Variants in CHRNA7 observed in about 807,000 individuals in gnomAD.
CHRNA7 encodes neuronal acetylcholine receptor subunit alpha-7.
In CHRNA7, 17 loss-of-function variants were observed where a neutral mutation model predicts 48.0. The ratio of observed to expected loss-of-function variants is 0.35; its 90% CI spans 0.24 to 0.53. CHRNA7 has a LOEUF of 0.53. Ranked by LOEUF, CHRNA7 falls within the 20% of genes least tolerant of loss-of-function variation. CHRNA7 has a pLI of 0.92. For synonymous variants in CHRNA7, 75 were observed against 242.3 expected, an observed-to-expected ratio of 0.31 and a Z score of 6.41; for missense variants, 155 against 577.7, an observed-to-expected ratio of 0.27 and a Z score of 7.50.
intron 2 of CHRNA7, among the ~76,000 whole-genome samples, chr15:32,035,549 G>A (rs1902044352): frequency 6.6e-6 from 1 of 152,210 alleles, no homozygotes; most frequent in African/African-American, 2.4e-5. Flanking sequence ...CACTGAAGAT[G>A]GCAGGCAGGG....
intron 2 of CHRNA7, among the ~76,000 whole-genome samples, chr15:32,093,568 G>T (rs147785907): frequency 6.6e-6 from 1 of 152,150 alleles, no homozygotes; most frequent in East Asian, 1.9e-4. Flanking sequence ...TCTGGCATTG[G>T]GCAAATTGGA....
chr15:32,034,277 C>T lies in CHRNA7; in HGVS notation c.195+3240C>T, dbSNP rs771207619. Among the ~76,000 whole-genome samples, 5 of 152,266 alleles carry T rather than the reference C, an allele frequency of 3.3e-5. No individual in the cohort carries two copies. In the South Asian group the frequency reaches 6.2e-4, roughly 19 times the overall value. On this transcript the variant is annotated intron_variant, in intron 2 of 9. Transcript: ENST00000306901. Reference sequence around the variant, plus strand: ...TGAAAGTGCAGTGGAGGACAGCTCACTTTCAACAAGGTGTGTTTTATGGGA... The same window carrying T: ...TGAAAGTGCAGTGGAGGACAGCTCATTTTCAACAAGGTGTGTTTTATGGGA...
chr15:32,105,355 AGAGGAGGAGAAG>A (rs1382729895), intron 3 of CHRNA7, among the ~76,000 whole-genome samples: 5 of 152,108 alleles, frequency 3.3e-5, no homozygotes, highest in African/African-American at 1.2e-4. Flanking sequence ...AAGAAGGAAA[AGAGGAGGAGAAG>A]GAGGAGGAGG....
intron 2 of CHRNA7, among the ~76,000 whole-genome samples, chr15:32,067,224 A>G (rs1482730182): frequency 2.0e-5 from 3 of 152,250 alleles, no homozygotes; most frequent in Non-Finnish European, 2.9e-5. Context: ...ACACCTAGAT[A>G]CATCATAATC....
chr15:32,114,066 A>ATATGTATG (rs796547635), intron 4 of CHRNA7, among the ~76,000 whole-genome samples: 17 of 134,722 alleles, frequency 1.3e-4, no homozygotes, highest in African/African-American at 4.4e-4. Flanking sequence ...ATATACATAT[A>ATATGTATG]TATATATATA....
chr15:32,047,413 A>AT (rs1335819426), intron 2 of CHRNA7, among the ~76,000 whole-genome samples: 1 of 151,810 alleles, frequency 6.6e-6, no homozygotes, highest in Non-Finnish European at 1.5e-5. Context: ...ATTCCTAAGT[A>AT]TTTTATTCTC....
intron 4 of CHRNA7, among the ~76,000 whole-genome samples, chr15:32,142,356 C>A (rs4262706): frequency 0.44 from 66,169 of 152,042 alleles, 15,197 homozygotes; most frequent in African/African-American, 0.6. Context: ...ATCAATGCTC[C>A]TCAGGGATAT....
intron 4 of CHRNA7, among the ~76,000 whole-genome samples, chr15:32,130,327 C>T (rs2051133255): frequency 6.6e-6 from 1 of 151,838 alleles, no homozygotes. Flanking sequence ...AAATTTCCAT[C>T]AGTTCTGGGG....
At chr15:32,044,915 C>A (rs899297196) in intron 2 of CHRNA7, among the ~76,000 whole-genome samples, 1 of 152,196 alleles carries the variant, frequency 6.6e-6, no homozygotes, top group South Asian at 2.1e-4. Flanking sequence ...CTATTCTTTG[C>A]GGCAATTCCC....
chr15:32,141,924 C>A (rs1391103381), intron 4 of CHRNA7, among the ~76,000 whole-genome samples: 1 of 152,182 alleles, frequency 6.6e-6, no homozygotes, highest in African/African-American at 2.4e-5. Flanking sequence ...CTTTCTCTTG[C>A]CTGATTGCCT....
rs71113441 is a variant in CHRNA7, at chr15:32,070,669, C to CTTTTTTTTTTTTTTTTTTTTTTTTTTTTT, written c.196-30627_196-30599dup. Among the ~76,000 whole-genome samples the CTTTTTTTTTTTTTTTTTTTTTTTTTTTTT allele has an allele frequency of 7.3e-5, 3 of 40,850 alleles. 1 individual carries two copies. The highest frequency in any genetic ancestry group is 2.8e-4 in the African/African-American group (3 of 10,742). 26.8% of individuals were successfully genotyped at this position (40,850 alleles called of 152,430 possible). A position where few individuals can be genotyped will look rare whatever the true frequency, so the allele number is the denominator to read the frequency against. Reference sequence around the variant, plus strand: ...TGTGTGAACATGTGAGGTTTAGTTCCTTTTTTTTTTTTTTTTTTTTTTTTT... The same window carrying CTTTTTTTTTTTTTTTTTTTTTTTTTTTTT: ...TGTGTGAACATGTGAGGTTTAGTTCCTTTTTTTTTTTTTTTTTTTTTTTTTTTTTTTTTTTTTTTTTTTTTTTTTTTTTT... On this transcript the variant is annotated intron_variant, in intron 2 of 9. Coordinates refer to ENST00000306901, the MANE Select transcript of CHRNA7 (RefSeq NM_000746.6).
chr15:32,152,497 G>A (rs2051651746), intron 4 of CHRNA7, among the ~76,000 whole-genome samples: 1 of 152,202 alleles, frequency 6.6e-6, no homozygotes, highest in Admixed American at 6.5e-5. Context: ...CCAGGGCCAC[G>A]CGGGAGGCCG....
At chr15:32,070,888 C>G (rs190201373) in intron 2 of CHRNA7, among the ~76,000 whole-genome samples, 1 of 151,668 alleles carries the variant, frequency 6.6e-6, no homozygotes, top group Non-Finnish European at 1.5e-5. Context: ...AGGGTTTCAC[C>G]GTGTTAGCCA....
intron 4 of CHRNA7, among the ~76,000 whole-genome samples, chr15:32,127,569 T>G (rs2051089596): frequency 6.6e-6 from 1 of 152,154 alleles, no homozygotes; most frequent in Non-Finnish European, 1.5e-5. Flanking sequence ...AACATCTTAC[T>G]ATGTGGTGGT....
intron 4 of CHRNA7, among the ~76,000 whole-genome samples, chr15:32,112,925 T>C (rs1479489784): frequency 6.6e-6 from 1 of 152,214 alleles, no homozygotes; most frequent in Non-Finnish European, 1.5e-5. Flanking sequence ...TCTCATTTGC[T>C]GCCACTTTTC....
intron 2 of CHRNA7, among the ~76,000 whole-genome samples, chr15:32,076,385 T>G (rs542440882): frequency 6.6e-6 from 1 of 152,346 alleles, no homozygotes; most frequent in Admixed American, 6.5e-5. Flanking sequence ...CTTGGCAGAT[T>G]GGCCTGTTTA....
intron 4 of CHRNA7, among the ~76,000 whole-genome samples, chr15:32,145,780 T>A (rs2051474875): frequency 6.6e-6 from 1 of 152,188 alleles, no homozygotes; most frequent in South Asian, 2.1e-4. Context: ...CGTTGAAAAG[T>A]GCAGTATTTG....
chr15:32,101,619 CAAG>C (rs1008028405), intron 3 of CHRNA7: 3 of 404,264 alleles, frequency 7.4e-6, no homozygotes, highest in Non-Finnish European at 4.3e-6. Context: ...TCAGGCAAGA[CAAG>C]AAGATACAGG....
chr15:32,030,829 G>A (rs1901787757), intron 1 of CHRNA7, 69 bp from the exon 2 acceptor site: 13 of 1,557,094 alleles, frequency 8.3e-6, no homozygotes, highest in Non-Finnish European at 3.5e-6. Flanking sequence ...GGGGACGCCG[G>A]CAGGAGGGAG....
Sources: gnomAD v4.1 joint callset for allele counts (sites outside exome capture counted in the v4.1 genomes callset) on GRCh38, gnomAD v4.1.1 for gene constraint, MANE v1.5 for transcripts, NCBI Gene and HGNC (gene_info 2026-07-23, HGNC 2026-07-21) for gene names.